The following RAB31 variants were observed in gnomAD, a reference collection of about 807,000 sequenced individuals.
RAB31 encodes the protein ras-related protein Rab-31.
Under a neutral mutation model 25.6 loss-of-function variants are expected in RAB31, and 21 were observed. The ratio of observed to expected loss-of-function variants is 0.82; its 90% CI spans 0.58 to 1.18. RAB31 has a LOEUF of 1.18. RAB31 is among the 50% of genes most tolerant of loss of function. The pLI, the probability that RAB31 is intolerant of heterozygous loss-of-function variation, is 0.00. For synonymous variants in RAB31, 87 were observed against 84.0 expected (o/e 1.04, Z -0.20); for missense variants, 196 against 250.1 (o/e 0.78, Z 1.46).
intron 2 of RAB31, among the ~76,000 whole-genome samples, chr18:9,782,926 GT>G (rs137940199): frequency 0.013 from 1,951 of 152,166 alleles, 37 homozygotes; most frequent in African/African-American, 0.044. Flanking sequence ...TCACTGTGTT[GT>G]TGCCTAGGCT....
chr18:9,714,267 G>C (rs1332147682), intron 1 of RAB31, among the ~76,000 whole-genome samples: 1 of 152,240 alleles, frequency 6.6e-6, no homozygotes, highest in East Asian at 1.9e-4. Flanking sequence ...GCAGGAGGCG[G>C]GGGATGGTTT....
At chr18:9,757,290 A>G (rs2068264818) in intron 1 of RAB31, among the ~76,000 whole-genome samples, 1 of 152,182 alleles carries the variant, frequency 6.6e-6, no homozygotes, top group Non-Finnish European at 1.5e-5. Context: ...AGAGGTGCCC[A>G]GCAGGGAAGC....
At chr18:9,849,670 G>A (rs1182684753) in intron 6 of RAB31, 1 of 152,408 alleles carries the variant, frequency 6.6e-6, no homozygotes, top group Non-Finnish European at 1.5e-5. Flanking sequence ...ACTATGGGGC[G>A]AGGGAGTGGC....
chr18:9,859,756 C>G lies in RAB31; in HGVS notation c.*431C>G, dbSNP rs2068838104. ...TTGCCTTTGTTACCTAACCAACCTT[C>G]ACTGAAAGGCAAATTTAGTTCAGGA... On this transcript the variant is annotated 3_prime_UTR_variant, in exon 7 of 7. Coordinates refer to ENST00000578921, the MANE Select transcript of RAB31 (RefSeq NM_006868.4). 1 of 153,196 alleles carries G rather than the reference C, an allele frequency of 6.5e-6. No homozygotes were observed. The highest frequency in any genetic ancestry group is 6.5e-5 in the Admixed American group (1 of 15,298). 9.5% of individuals were successfully genotyped at this position (153,196 alleles called of 1,614,324 possible).
At chr18:9,851,872 CTA>C (rs2068790984) in intron 6 of RAB31, among the ~76,000 whole-genome samples, 3 of 150,902 alleles carry the variant, frequency 2.0e-5, no homozygotes, top group Admixed American at 6.6e-5. Flanking sequence ...ATTTCATAAT[CTA>C]TTTCAATATC....
At position 9,794,958 on chromosome 18, in the gene RAB31, A is replaced by G. The variant is rs186233170; in HGVS notation, c.201+2723A>G. On this transcript the variant is annotated intron_variant, in intron 3 of 6. Coordinates refer to ENST00000578921, the MANE Select transcript of RAB31 (RefSeq NM_006868.4). ...AAGCAAGACTAAGCAAAAAGAACAA[A>G]TCTGGAGGCATCACATTACCCGACC... Among the ~76,000 whole-genome samples, 593 of 152,322 alleles carry G rather than the reference A, an allele frequency of 3.9e-3. 6 individuals are homozygous for G. Among genetic ancestry groups the G allele is most frequent in the African/African-American group, 0.014 (580 of 41,570 alleles).
intron 2 of RAB31, among the ~76,000 whole-genome samples, chr18:9,779,651 G>GAATTTCTTTATCTGAA: frequency 6.6e-6 from 1 of 152,156 alleles, no homozygotes; most frequent in Non-Finnish European, 1.5e-5. Context: ...AAATTTATTA[G>GAATTTCTTTATCTGAA]TTCTTTATCT....
At position 9,753,427 on chromosome 18, in the gene RAB31, C is replaced by G. The variant is rs145665528; in HGVS notation, c.40-21851C>G. On this transcript the variant is annotated intron_variant, in intron 1 of 6. Transcript: ENST00000578921. ...TTTGCCATGTGATGCCCTGCTCCAC[C>G]TTGGGACTCTACAGAGTCCTCACCA... Among the ~76,000 whole-genome samples the G allele has an allele frequency of 1.1e-4, 17 of 152,326 alleles. No individual in the cohort carries two copies. The East Asian group carries it at 3.3e-3, about 29-fold the overall frequency.
In RAB31 at chr18:9,819,696, A is replaced by T. The variant is rs545390274; in HGVS notation, c.380+4474A>T. On this transcript the variant is annotated intron_variant, in intron 5 of 6. Coordinates refer to ENST00000578921, the MANE Select transcript of RAB31 (RefSeq NM_006868.4). The stretch of plus-strand genomic sequence containing the variant: ...TTAACAATTTTAAGTCTTCCGATCC[A>T]TCAGTGTGAAATGTCTTTTCATTTT... 2.3e-3 allele frequency among the ~76,000 whole-genome samples: 344 copies of T among 152,246 alleles called. 1 individual carries two copies. Among genetic ancestry groups the T allele is most frequent in the African/African-American group, 8.0e-3 (333 of 41,578 alleles).
intron 1 of RAB31, among the ~76,000 whole-genome samples, chr18:9,715,586 G>A (rs1212842630): frequency 6.8e-6 from 1 of 146,900 alleles, no homozygotes; most frequent in Non-Finnish European, 1.5e-5. Flanking sequence ...CTGGGGTGCA[G>A]TGGCACAATC....
intron 1 of RAB31, among the ~76,000 whole-genome samples, chr18:9,743,484 T>C (rs888403489): frequency 8.5e-5 from 13 of 152,214 alleles, no homozygotes; most frequent in African/African-American, 2.9e-4. Context: ...GTTGATTCAC[T>C]GGAGGGCTAG....
At chr18:9,756,790 G>C (rs1053660444) in intron 1 of RAB31, among the ~76,000 whole-genome samples, 1 of 152,166 alleles carries the variant, frequency 6.6e-6, no homozygotes, top group African/African-American at 2.4e-5. Flanking sequence ...CTCCTAAATG[G>C]CCTTTGTTTC....
Position 9,813,859 on chromosome 18 carries a change from AT to A in RAB31, c.202-160del, listed in dbSNP as rs377735685. ...AAGAGTGAAACTCCATCTCAAAAAA[AT>A]AAAATAAAATAAATAAATAATATGA... is the stretch of plus-strand genomic sequence containing the variant. On this transcript the variant is annotated intron_variant, in intron 3 of 6. Transcript: ENST00000578921. Among the ~76,000 whole-genome samples, 46 of 152,298 alleles carry A rather than the reference AT, an allele frequency of 3.0e-4. 1 individual carries two copies. The highest frequency in any genetic ancestry group is 1.1e-3 in the African/African-American group (44 of 41,560).
chr18:9,834,811 G>GA (rs2068696218), intron 5 of RAB31, among the ~76,000 whole-genome samples: 1 of 152,140 alleles, frequency 6.6e-6, no homozygotes, highest in Non-Finnish European at 1.5e-5. Flanking sequence ...CGAAGACAGA[G>GA]TAATCTCTTT....
intron 2 of RAB31, among the ~76,000 whole-genome samples, chr18:9,781,601 G>T (rs746951321): frequency 1.3e-5 from 2 of 152,190 alleles, no homozygotes; most frequent in Non-Finnish European, 2.9e-5. Context: ...GAGCCACCGC[G>T]CCCAGCCCTG....
At chr18:9,787,477 C>G (rs562746740) in intron 2 of RAB31, 2 of 174,956 alleles carry the variant, frequency 1.1e-5, no homozygotes, top group Admixed American at 1.2e-4. Flanking sequence ...CAATTCACAA[C>G]TTGCAAGACA....
At chr18:9,715,796 T>C (rs565006714) in intron 1 of RAB31, among the ~76,000 whole-genome samples, 61 of 152,282 alleles carry the variant, frequency 4.0e-4, no homozygotes, top group Middle Eastern at 3.4e-3. Flanking sequence ...CCTCCCAAAG[T>C]GTTGGGATTA....
chr18:9,773,622 A>G (rs2068356829), intron 1 of RAB31, among the ~76,000 whole-genome samples: 7 of 151,990 alleles, frequency 4.6e-5, no homozygotes, highest in Admixed American at 4.6e-4. Context: ...TTTATTTTCT[A>G]ACTCCTCCAT....
intron 5 of RAB31, among the ~76,000 whole-genome samples, chr18:9,834,750 A>G (rs2068695901): frequency 6.6e-6 from 1 of 152,236 alleles, no homozygotes; most frequent in Non-Finnish European, 1.5e-5. Context: ...GCCATCAGCT[A>G]CTGAGTGATT....
Sources: gnomAD v4.1 joint callset for allele counts (sites outside exome capture counted in the v4.1 genomes callset) on GRCh38, gnomAD v4.1.1 for gene constraint, MANE v1.5 for transcripts, NCBI Gene and HGNC (gene_info 2026-07-23, HGNC 2026-07-21) for gene names.